CUL5: variants seen among roughly 807,000 people sequenced by gnomAD.
CUL5 encodes the protein cullin 5.
CUL5 carries 26 observed loss-of-function variants against 108.8 expected under a neutral mutation model. The ratio of observed to expected loss-of-function variants is 0.24; its 90% CI spans 0.18 to 0.33. The LOEUF (loss-of-function observed/expected upper bound fraction) is 0.33. CUL5 is among the 10% of genes least tolerant of loss of function. The probability of loss-of-function intolerance (pLI) is 1.00; values close to 1 mark genes in which losing one functional copy is unlikely to be tolerated. For synonymous variants in CUL5, 334 were observed against 298.0 expected (o/e 1.12, Z -1.25); for missense variants, 524 against 909.2 (o/e 0.58, Z 5.45).
chr11:108,101,683 TCCCTCATACTGTG>T (rs1211339294), intron 18 of CUL5, among the ~76,000 whole-genome samples: 1 of 152,176 alleles, frequency 6.6e-6, no homozygotes, highest in Non-Finnish European at 1.5e-5. Flanking sequence ...GCAGATTATT[TCCCTCATACTGTG>T]CTACTCTTTA....
At chr11:108,045,687 C>T (rs776988896) in intron 2 of CUL5, among the ~76,000 whole-genome samples, 1 of 152,102 alleles carries the variant, frequency 6.6e-6, no homozygotes, top group Admixed American at 6.6e-5. Flanking sequence ...CATAGCAAGA[C>T]TGTTTCTACA....
chr11:108,070,739 T>C (rs994399724), intron 8 of CUL5, among the ~76,000 whole-genome samples: 1 of 152,198 alleles, frequency 6.6e-6, no homozygotes, highest in Non-Finnish European at 1.5e-5. Flanking sequence ...AAACTGCTTT[T>C]AACATTTTTT....
chr11:108,072,601 T>C (rs186105497), intron 9 of CUL5, 139 bp downstream of exon 9: 3 of 572,552 alleles, frequency 5.2e-6, no homozygotes, highest in East Asian at 5.9e-5. Flanking sequence ...TATAAAGTTA[T>C]AGTTCAATAG....
chr11:108,093,479 A>G (rs984987465), intron 13 of CUL5, among the ~76,000 whole-genome samples: 1 of 152,180 alleles, frequency 6.6e-6, no homozygotes, highest in Non-Finnish European at 1.5e-5. Context: ...GCTTTCTTCT[A>G]TAACTCCATT....
At chr11:108,037,237 A>G (rs1469446255) in intron 2 of CUL5, among the ~76,000 whole-genome samples, 1 of 152,134 alleles carries the variant, frequency 6.6e-6, no homozygotes, top group African/African-American at 2.4e-5. Flanking sequence ...TAGAGCTATC[A>G]TTTTCAAATT....
chr11:108,054,400 A>G (rs1364317164), intron 5 of CUL5, among the ~76,000 whole-genome samples: 1 of 152,204 alleles, frequency 6.6e-6, no homozygotes, highest in Non-Finnish European at 1.5e-5. Flanking sequence ...TTATTCAGTT[A>G]GAAGTCAGTT....
chr11:108,084,398 T>C (rs1864174555), intron 11 of CUL5, among the ~76,000 whole-genome samples: 2 of 152,200 alleles, frequency 1.3e-5, no homozygotes, highest in South Asian at 4.1e-4. Flanking sequence ...TAAGCAATAC[T>C]GCTGGGGGGC....
At chr11:108,080,914 TTTTGG>T (rs1864062848) in intron 11 of CUL5, among the ~76,000 whole-genome samples, 1 of 152,024 alleles carries the variant, frequency 6.6e-6, no homozygotes, top group South Asian at 2.1e-4. Flanking sequence ...TTGCTTTTGC[TTTTGG>T]TTTGGTTTCA....
rs529463172 is a variant in CUL5, at chr11:108,090,005, A to C, written c.1443+382A>C. 4.6e-5 allele frequency among the ~76,000 whole-genome samples: 7 copies of C among 151,100 alleles called. 1 individual carries two copies. In the South Asian group the frequency reaches 1.5e-3, roughly 32 times the overall value. ...CAGTGAGCCAAGATCGTGCCATTGC[A>C]CTCCAGCCTGGGTAACAGAGTGGGA... is the stretch of plus-strand genomic sequence containing the variant. On this transcript the variant is annotated intron_variant, in intron 13 of 18. Coordinates refer to ENST00000393094, the MANE Select transcript of CUL5 (RefSeq NM_003478.6).
At chr11:108,064,436 A>C (rs979087338) in intron 7 of CUL5, among the ~76,000 whole-genome samples, 1 of 152,172 alleles carries the variant, frequency 6.6e-6, no homozygotes, top group Non-Finnish European at 1.5e-5. Context: ...GTCTGGGCTC[A>C]GTGGCTCACG....
chr11:108,037,478 G>A (rs548312299), intron 2 of CUL5, among the ~76,000 whole-genome samples: 1 of 152,156 alleles, frequency 6.6e-6, no homozygotes, highest in Non-Finnish European at 1.5e-5. Context: ...TCATGGCTAT[G>A]AATTATTACA....
At chr11:108,045,771 G>T (rs1182150443) in intron 2 of CUL5, among the ~76,000 whole-genome samples, 1 of 152,090 alleles carries the variant, frequency 6.6e-6, no homozygotes, top group Non-Finnish European at 1.5e-5. Context: ...GAGGAGGGAG[G>T]ATCGCCTCAA....
At chr11:108,011,660 G>A (rs545198780) in intron 1 of CUL5, among the ~76,000 whole-genome samples, 1 of 150,592 alleles carries the variant, frequency 6.6e-6, no homozygotes, top group African/African-American at 2.4e-5. Context: ...ACGGAGTCTC[G>A]CTCTGTTGCC....
intron 11 of CUL5, 52 bp from the exon 12 acceptor site, chr11:108,088,475 A>G: frequency 6.5e-7 from 1 of 1,529,802 alleles, no homozygotes; most frequent in Non-Finnish European, 8.8e-7. Flanking sequence ...AGAAAAAAAT[A>G]ATTGCAAACA....
chr11:108,049,160 T>C (rs1360457295), intron 3 of CUL5, among the ~76,000 whole-genome samples: 1 of 152,194 alleles, frequency 6.6e-6, no homozygotes, highest in East Asian at 1.9e-4. Flanking sequence ...CCCAACCCAC[T>C]AAATCACTAA....
At chr11:108,026,408 C>G (rs1862452383) in intron 1 of CUL5, among the ~76,000 whole-genome samples, 1 of 152,174 alleles carries the variant, frequency 6.6e-6, no homozygotes, top group African/African-American at 2.4e-5. Context: ...CCCCGATCTT[C>G]TCAGACATTG....
intron 2 of CUL5, among the ~76,000 whole-genome samples, chr11:108,043,010 A>G (rs1304530092): frequency 6.6e-6 from 1 of 152,008 alleles, no homozygotes; most frequent in Non-Finnish European, 1.5e-5. Context: ...TGATGTGTCC[A>G]CCTCGGCCTC....
At chr11:108,072,559 G>T in intron 9 of CUL5, 97 bp downstream of exon 9, 1 of 1,040,902 alleles carries the variant, frequency 9.6e-7, no homozygotes, top group South Asian at 1.7e-5. Context: ...GAGGCTGGGG[G>T]TTGGGGGAGC....
intron 12 of CUL5, 100 bp from the exon 13 acceptor site, chr11:108,089,392 A>C: frequency 1.2e-6 from 1 of 849,196 alleles, no homozygotes; most frequent in South Asian, 1.8e-5. Context: ...TATGCTCATA[A>C]AAGTTTCTGA....
Sources: gnomAD v4.1 joint callset for allele counts (sites outside exome capture counted in the v4.1 genomes callset) on GRCh38, gnomAD v4.1.1 for gene constraint, MANE v1.5 for transcripts, NCBI Gene and HGNC (gene_info 2026-07-23, HGNC 2026-07-21) for gene names.